CLCA1: variants seen among roughly 807,000 people sequenced by gnomAD.
CLCA1 encodes chloride channel accessory 1.
In CLCA1, 59 loss-of-function variants were observed where a neutral mutation model predicts 85.6. The observed-to-expected ratio is 0.69, with a 90% confidence interval of 0.56 to 0.86. The LOEUF (loss-of-function observed/expected upper bound fraction) is 0.86, where lower values mean the gene tolerates loss of function less well. Among genes scored for constraint, CLCA1 ranks in the 40% least tolerant of loss-of-function variants. The pLI, the probability that CLCA1 is intolerant of heterozygous loss-of-function variation, is 0.00. For synonymous variants in CLCA1, 396 were observed against 398.3 expected, an observed-to-expected ratio of 0.99 and a Z score of 0.07; for missense variants, 1,022 against 1,101.4, an observed-to-expected ratio of 0.93 and a Z score of 1.02.
chr1:86,480,028 T>G (rs1647775802), intron 4 of CLCA1, among the ~76,000 whole-genome samples: 1 of 152,108 alleles, frequency 6.6e-6, no homozygotes, highest in South Asian at 2.1e-4. Context: ...GGGGAAAAAA[T>G]TAACAGACTC....
rs905420120 is a variant in CLCA1 at position 86,473,882 on chromosome 1, A to G, written c.451+6A>G. The G allele has an allele frequency of 3.1e-6, 5 of 1,591,488 alleles. No homozygotes were observed. Among genetic ancestry groups the G allele is most frequent in the Non-Finnish European group, 4.3e-6 (5 of 1,167,998 alleles). The stretch of plus-strand genomic sequence containing the variant: ...AGCTGAATATGGACCACAAGGTATG[A>G]AATATTCTACCATACTTCTCATACA... On this transcript the variant is annotated splice_donor_region_variant and intron_variant, in intron 3 of 13. Transcript: ENST00000394711.
At chr1:86,488,647 C>A (rs534991359) in intron 7 of CLCA1, among the ~76,000 whole-genome samples, 8 of 152,134 alleles carry the variant, frequency 5.3e-5, no homozygotes, top group Admixed American at 3.9e-4. Context: ...GAGATGGTTT[C>A]TGAAGGCATC....
At chr1:86,481,323 A>T (rs926596417) in intron 4 of CLCA1, among the ~76,000 whole-genome samples, 1 of 152,072 alleles carries the variant, frequency 6.6e-6, no homozygotes, top group Middle Eastern at 3.4e-3. Flanking sequence ...TATTTCTGGT[A>T]GAGTTGGGTT....
chr1:86,494,243 C>G lies in CLCA1; in HGVS notation c.1737C>G (p.Val579=). The change falls in exon 11 of 14, where the codon GTC becomes GTG. Residue 579 remains valine (V), a synonymous_variant. Coordinates refer to ENST00000394711, the MANE Select transcript of CLCA1 (RefSeq NM_001285.4). ...QASSQTLTLT[V]TSRASNATLP... ...GCTCACAAACCTTGACCCTGACTGT[C>G]ACGTCCCGTGCGTCCAATGCTACCC... 1 of 1,614,200 alleles carries G rather than the reference C, an allele frequency of 6.2e-7. No individual in the cohort carries two copies. The highest frequency in any genetic ancestry group is 8.5e-7 in the Non-Finnish European group (1 of 1,180,028).
At chr1:86,490,603 T>G (rs1280719483) in intron 8 of CLCA1, among the ~76,000 whole-genome samples, 1 of 152,204 alleles carries the variant, frequency 6.6e-6, no homozygotes, top group Non-Finnish European at 1.5e-5. Flanking sequence ...GGAGTACGGC[T>G]TAATGACTTC....
intron 13 of CLCA1, 84 bp downstream of exon 13, chr1:86,498,895 T>G: frequency 6.7e-7 from 1 of 1,482,760 alleles, no homozygotes. Context: ...GCAGCCGTGT[T>G]CTGATACTTA....
chr1:86,490,056 G>C (rs1224326473), intron 8 of CLCA1, among the ~76,000 whole-genome samples: 1 of 152,228 alleles, frequency 6.6e-6, no homozygotes, highest in Non-Finnish European at 1.5e-5. Context: ...TGTGCCCACA[G>C]GGGACTCTGG....
At chr1:86,473,659 C>T in intron 2 of CLCA1, 70 bp from the exon 3 acceptor site, 1 of 1,497,024 alleles carries the variant, frequency 6.7e-7, no homozygotes, top group Non-Finnish European at 9.1e-7. Flanking sequence ...TTGAAACTTA[C>T]TCCAGTACGA....
chr1:86,473,771 G>A lies in CLCA1; in HGVS notation c.346G>A (p.Glu116Lys), dbSNP rs751852262. The change falls in exon 3 of 14, where the codon GAA becomes AAA. Residue 116 changes from glutamate to lysine, a missense_variant. Coordinates refer to ENST00000394711, the MANE Select transcript of CLCA1 (RefSeq NM_001285.4). Reference sequence around the variant, plus strand: ...TGAGTCTACTCCTCCAGGTAATGATGAACCCTACACTGAGCAGATGGGCAA... The same window carrying A: ...TGAGTCTACTCCTCCAGGTAATGATAAACCCTACACTGAGCAGATGGGCAA... ...VAESTPPGND[E>K]PYTEQMGNCG... 3 of 1,602,126 alleles carry A rather than the reference G, an allele frequency of 1.9e-6. No homozygotes were observed. The highest frequency in any genetic ancestry group is 1.1e-5 in the South Asian group (1 of 89,182).
chr1:86,477,950 T>C (rs920890062), intron 4 of CLCA1, among the ~76,000 whole-genome samples: 1 of 152,190 alleles, frequency 6.6e-6, no homozygotes, highest in East Asian at 1.9e-4. Flanking sequence ...CGGCTTTGAT[T>C]CCTAACTGTC....
chr1:86,485,708 C>T lies in CLCA1; in HGVS notation c.954+147C>T, dbSNP rs1423037030. On this transcript the variant is annotated intron_variant, in intron 6 of 13. Transcript: ENST00000394711. ...TTGTCTTCAGAAATGCCCACTTCAA[C>T]TTTGTTCAACAAAGGTTCAGCATCA... 4 of 696,430 alleles carry T rather than the reference C, an allele frequency of 5.7e-6. No homozygotes were observed. In the East Asian group the frequency reaches 8.1e-5, roughly 14 times the overall value. The allele number at this position is 696,430 out of a possible 1,614,324, so 43.1% of individuals were successfully genotyped here.
At chr1:86,495,449 A>G (rs1648250656) in intron 11 of CLCA1, 56 bp from the exon 12 acceptor site, 7 of 1,408,718 alleles carry the variant, frequency 5.0e-6, no homozygotes, top group African/African-American at 1.4e-5. Flanking sequence ...ATGAGTTGGA[A>G]ATATACAAAT....
intron 9 of CLCA1, among the ~76,000 whole-genome samples, chr1:86,491,697 A>G (rs1648139151): frequency 6.6e-6 from 1 of 152,256 alleles, no homozygotes; most frequent in Non-Finnish European, 1.5e-5. Context: ...TTTTCTTCAG[A>G]GTAGATCATC....
intron 10 of CLCA1, 109 bp downstream of exon 10, chr1:86,493,708 T>C (rs188963137): frequency 4.5e-5 from 37 of 822,872 alleles, no homozygotes; most frequent in Non-Finnish European, 4.6e-5. Flanking sequence ...GGAGAGTCAG[T>C]ATTGAATCAA....
intron 4 of CLCA1, among the ~76,000 whole-genome samples, chr1:86,479,881 T>C (rs1440402049): frequency 1.3e-5 from 2 of 151,960 alleles, no homozygotes; most frequent in Non-Finnish European, 2.9e-5. Context: ...TGAGACTCCA[T>C]CTCAAAAAAC....
intron 4 of CLCA1, among the ~76,000 whole-genome samples, chr1:86,479,095 A>G (rs1647751923): frequency 6.6e-6 from 1 of 152,234 alleles, no homozygotes; most frequent in Non-Finnish European, 1.5e-5. Context: ...AGAGAAAATC[A>G]TTGTTATGCA....
At chr1:86,471,010 C>T (rs529982953) in intron 1 of CLCA1, among the ~76,000 whole-genome samples, 24 of 152,268 alleles carry the variant, frequency 1.6e-4, no homozygotes, top group African/African-American at 5.5e-4. Flanking sequence ...GGGGAGTACA[C>T]GTCACAAGAT....
At position 86,500,140 on chromosome 1, in the gene CLCA1, C is replaced by T. The variant is rs1570294861; in HGVS notation, c.*95C>T. The stretch of plus-strand genomic sequence containing the variant: ...TGTATTTTAGACTTCCTGTAGGGGG[C>T]GATATACTAAATGTATATAGTACAT... On this transcript the variant is annotated 3_prime_UTR_variant, in exon 14 of 14. Coordinates refer to ENST00000394711, the MANE Select transcript of CLCA1 (RefSeq NM_001285.4). 4.1e-6 allele frequency: 3 copies of T among 727,596 alleles called. No homozygotes were observed. The highest frequency in any genetic ancestry group is 6.8e-6 in the Non-Finnish European group (3 of 438,918). The allele number at this position is 727,596 out of a possible 1,614,324, so 45.1% of individuals were successfully genotyped here. A position where few individuals can be genotyped will look rare whatever the true frequency, so the allele number is the denominator to read the frequency against.
chr1:86,494,560 A>C, intron 11 of CLCA1, 112 bp downstream of exon 11: 2 of 1,117,214 alleles, frequency 1.8e-6, no homozygotes, highest in Non-Finnish European at 2.6e-6. Context: ...GCAGCACAGC[A>C]CTGAGGTCTG....
Sources: gnomAD v4.1 joint callset for allele counts (sites outside exome capture counted in the v4.1 genomes callset) on GRCh38, gnomAD v4.1.1 for gene constraint, MANE v1.5 for transcripts, NCBI Gene and HGNC (gene_info 2026-07-23, HGNC 2026-07-21) for gene names.